The following FAHD1 variants were observed in gnomAD, a reference collection of about 807,000 sequenced individuals.
FAHD1 encodes the protein FAH domain containing oxaloacetate decarboxylase 1.
A neutral mutation model predicts 12.7 loss-of-function variants in FAHD1; 14 were observed. The ratio of observed to expected loss-of-function variants is 1.10; its 90% CI spans 0.73 to 1.72. FAHD1 has a LOEUF of 1.72. FAHD1 is among the 40% of genes most tolerant of loss of function. The probability of loss-of-function intolerance (pLI) is 0.00; values close to 1 mark genes in which losing one functional copy is unlikely to be tolerated. For missense variants in FAHD1, 351 were observed against 298.9 expected (o/e 1.17, Z -1.29); for synonymous variants, 153 against 124.9 (o/e 1.22, Z -1.50).
downstream of FAHD1, among the ~76,000 whole-genome samples, chr16:1,829,298 G>C (rs1250646584): frequency 6.6e-6 from 1 of 152,208 alleles, no homozygotes; most frequent in Non-Finnish European, 1.5e-5. Context: ...ACACAGTACT[G>C]TTAGGCACCA....
exon 1 of FAHD1, chr16:1,827,404 A>G (rs1380185363): frequency 1.9e-6 from 3 of 1,611,318 alleles, no homozygotes. Context: ...GGGCTCGCCC[A>G]TCCTCATGCC....
chr16:1,830,440 C>G (rs1481269298), downstream of FAHD1, among the ~76,000 whole-genome samples: 1 of 152,166 alleles, frequency 6.6e-6, no homozygotes, highest in Admixed American at 6.5e-5. Flanking sequence ...GTACACGGTT[C>G]AGCTGAGATA....
exon 3 of FAHD1, chr16:1,839,675 C>A: frequency 2.3e-6 from 1 of 439,420 alleles, no homozygotes; most frequent in East Asian, 4.1e-5. Context: ...CCCTCCTTCC[C>A]TCCCTCTGCC....
chr16:1,837,272 C>T (rs58359138), intron 1 of FAHD1, among the ~76,000 whole-genome samples: 26,833 of 151,468 alleles, frequency 0.18, 2,504 homozygotes, highest in South Asian at 0.27. Context: ...TCTGTCTCCC[C>T]GCAACAACCC....
At chr16:1,837,874 G>T in intron 1 of FAHD1, 3 of 1,491,092 alleles carry the variant, frequency 2.0e-6, no homozygotes, top group South Asian at 1.3e-5. Context: ...CATGTACCTG[G>T]TTAAAAAAAA....
downstream of FAHD1, among the ~76,000 whole-genome samples, chr16:1,830,320 G>T (rs577348494): frequency 6.6e-6 from 1 of 152,300 alleles, no homozygotes; most frequent in Non-Finnish European, 1.5e-5. Context: ...CTAATGATTT[G>T]CTAGTATCAG....
At chr16:1,838,907 G>T (rs996327400) in intron 2 of FAHD1, among the ~76,000 whole-genome samples, 17 of 152,046 alleles carry the variant, frequency 1.1e-4, no homozygotes, top group African/African-American at 4.1e-4. Flanking sequence ...GGCCAGGCTG[G>T]TCTCAAACTC....
At chr16:1,833,077 G>A (rs1898652091), downstream of FAHD1, among the ~76,000 whole-genome samples, 1 of 152,052 alleles carries the variant, frequency 6.6e-6, no homozygotes, top group African/African-American at 2.4e-5. Flanking sequence ...AAAGTACCAG[G>A]TCAAACCTCC....
rs761150370 is a variant in FAHD1 at position 1,827,855 on chromosome 16, T to C, written c.617T>C (p.Ile206Thr). 2.1e-5 allele frequency: 34 copies of C among 1,614,050 alleles called. 1 individual carries two copies. The South Asian group carries it at 3.5e-4, about 17-fold the overall frequency. The change falls in exon 1 of 1, where the codon ATA becomes ACA. Residue 206 changes from isoleucine to threonine, a missense_variant. Ile to Thr is a moderately conservative substitution (Grantham distance 89). Coordinates refer to ENST00000427358, the Ensembl canonical transcript of FAHD1. ...GAAAACGATGAGATCGAGGCTGGCA[T>C]ACACGGGCTGGTCAGTATGACATTT...
chr16:1,829,607 C>T (rs1336500510), downstream of FAHD1, among the ~76,000 whole-genome samples: 3 of 152,008 alleles, frequency 2.0e-5, no homozygotes, highest in African/African-American at 7.3e-5. Context: ...TGAGGAAGTG[C>T]CATAATTGGA....
chr16:1,828,308 T>A, exon 1 of FAHD1: 3 of 1,007,336 alleles, frequency 3.0e-6, no homozygotes, highest in Non-Finnish European at 3.6e-6. Context: ...CCATTTATTT[T>A]AAAAATGATT....
exon 3 of FAHD1, chr16:1,839,294 A>G (rs971645189): frequency 6.2e-7 from 1 of 1,613,832 alleles, no homozygotes; most frequent in Non-Finnish European, 8.5e-7. Flanking sequence ...TTCCTGTGAG[A>G]CTACAGGAAT....
Position 1,837,637 on chromosome 16 carries a change from G to A in FAHD1, c.628-379G>A, listed in dbSNP as rs11648578. On this transcript the variant is annotated intron_variant, in intron 1 of 2. Transcript: ENST00000382666. ...GAAAAAACCCCTGGCTATTTCCTTTGCTTTTAGGATAGCTGAATCCTTATG... is the reference window on the plus strand; with the variant it reads ...GAAAAAACCCCTGGCTATTTCCTTTACTTTTAGGATAGCTGAATCCTTATG... 0.18 allele frequency: 87,262 copies of A among 483,462 alleles called. 8,454 individuals carry two copies. Among genetic ancestry groups the A allele is most frequent in the South Asian group, 0.28 (5,969 of 21,032 alleles). 29.9% of individuals were successfully genotyped at this position (483,462 alleles called of 1,614,324 possible).
intron 1 of FAHD1, among the ~76,000 whole-genome samples, chr16:1,834,949 C>G (rs1898701415): frequency 7.0e-6 from 1 of 142,486 alleles, no homozygotes; most frequent in Non-Finnish European, 1.5e-5. Flanking sequence ...CACCCCCCCC[C>G]ACTAAAAAAA....
chr16:1,827,262 C>T (rs1898489969), exon 1 of FAHD1: 1 of 1,611,566 alleles, frequency 6.2e-7, no homozygotes. Context: ...GGCCATTGTC[C>T]CGCTTCTGGG....
At chr16:1,837,867 G>T (rs1415371937) in intron 1 of FAHD1, 4 of 1,504,954 alleles carry the variant, frequency 2.7e-6, no homozygotes, top group South Asian at 1.3e-5. Flanking sequence ...AGAAACTCAT[G>T]TACCTGGTTA....
exon 3 of FAHD1, chr16:1,839,992 G>A (rs1898858360): frequency 6.6e-6 from 1 of 152,174 alleles, no homozygotes; most frequent in Non-Finnish European, 1.5e-5. Flanking sequence ...TAACACTGCT[G>A]GTGATACACT....
rs779513355 is a variant in FAHD1 at position 1,839,399 on chromosome 16, CAT to C, written c.*147_*148del. 2.5e-5 allele frequency: 41 copies of C among 1,613,680 alleles called. No homozygotes were observed. Among genetic ancestry groups the C allele is most frequent in the East Asian group, 6.7e-5 (3 of 44,862 alleles). ...AGGAGTTTTTGTTGCAAGTTGTGCA[CAT>C]GTTAGATGCTTCATTTACAATATAA... On this transcript the variant is annotated 3_prime_UTR_variant, in exon 3 of 3. Coordinates refer to the FAHD1 transcript ENST00000382666.
downstream of FAHD1, among the ~76,000 whole-genome samples, chr16:1,830,913 T>TACACACACA (rs1567269113): frequency 4.0e-5 from 2 of 50,594 alleles, no homozygotes; most frequent in African/African-American, 1.6e-4. Context: ...CCTCTCTCTC[T>TACACACACA]CTATACACAC....
Sources: allele counts gnomAD v4.1 joint callset (sites outside exome capture counted in the v4.1 genomes callset), GRCh38; gene constraint gnomAD v4.1.1; transcripts MANE v1.5; gene names NCBI Gene and HGNC (gene_info 2026-07-23, HGNC 2026-07-21).